Variants in CNTLN observed in about 807,000 individuals in gnomAD.
CNTLN encodes centlein, also known as centlein, centrosomal protein.
In CNTLN, 212 loss-of-function variants were observed where a neutral mutation model predicts 180.0. That is an observed-to-expected ratio of 1.18 (90% confidence interval 1.05 to 1.32). CNTLN has a LOEUF of 1.32. CNTLN is among the 40% of genes most tolerant of loss of function. The pLI is 0.00. For synonymous variants in CNTLN, 722 were observed against 563.1 expected, an observed-to-expected ratio of 1.28 and a Z score of -3.99; for missense variants, 2,095 against 1,610.9, an observed-to-expected ratio of 1.30 and a Z score of -5.14.
In CNTLN at chr9:17,257,274, A is replaced by G. The variant is rs143560508; in HGVS notation, c.850-16459A>G. On this transcript the variant is annotated intron_variant, in intron 5 of 25. Coordinates refer to ENST00000380647, the MANE Select transcript of CNTLN (RefSeq NM_017738.4). ...AGTTTACTGAGAATGATGATTTCCA[A>G]TGTCATCCATGTCCCTACAAAGGAC... 1.6e-3 allele frequency among the ~76,000 whole-genome samples: 249 copies of G among 152,082 alleles called. 1 individual carries two copies. The highest frequency in any genetic ancestry group is 5.8e-3 in the African/African-American group (239 of 41,490).
At chr9:17,452,783 A>G (rs895576156) in intron 18 of CNTLN, among the ~76,000 whole-genome samples, 1 of 152,148 alleles carries the variant, frequency 6.6e-6, no homozygotes, top group Admixed American at 6.5e-5. Context: ...GAAAAAAAGC[A>G]GTTTGTGAAT....
At chr9:17,262,113 T>G (rs1827033781) in intron 5 of CNTLN, among the ~76,000 whole-genome samples, 1 of 151,486 alleles carries the variant, frequency 6.6e-6, no homozygotes, top group Non-Finnish European at 1.5e-5. Flanking sequence ...AGAAACACTT[T>G]TACACTGATG....
intron 12 of CNTLN, among the ~76,000 whole-genome samples, chr9:17,354,705 C>G (rs1822679821): frequency 6.6e-6 from 1 of 152,102 alleles, no homozygotes; most frequent in South Asian, 2.1e-4. Flanking sequence ...TTGGCTCTAC[C>G]AATCAGCAGG....
intron 12 of CNTLN, among the ~76,000 whole-genome samples, chr9:17,343,778 T>C (rs1821666441): frequency 6.6e-6 from 1 of 152,082 alleles, no homozygotes; most frequent in Non-Finnish European, 1.5e-5. Flanking sequence ...ATTTACAGTT[T>C]TATCACCCCC....
At chr9:17,259,377 C>T (rs1193858163) in intron 5 of CNTLN, among the ~76,000 whole-genome samples, 2 of 132,592 alleles carry the variant, frequency 1.5e-5, no homozygotes, top group African/African-American at 3.0e-5. Flanking sequence ...TTCAGTTTGC[C>T]AGTATTTTAT....
At chr9:17,508,369 A>G (rs2134446945), downstream of CNTLN, among the ~76,000 whole-genome samples, 1 of 152,358 alleles carries the variant, frequency 6.6e-6, no homozygotes, top group East Asian at 1.9e-4. Flanking sequence ...TACACTGTCC[A>G]AACCAGGAAG....
At chr9:17,241,347 T>C (rs1448022223) in intron 5 of CNTLN, among the ~76,000 whole-genome samples, 1 of 152,242 alleles carries the variant, frequency 6.6e-6, no homozygotes, top group Non-Finnish European at 1.5e-5. Flanking sequence ...GGCACTTTTG[T>C]TAACAGTGAG....
At chr9:17,305,781 T>G (rs1423025489) in intron 7 of CNTLN, among the ~76,000 whole-genome samples, 1 of 152,206 alleles carries the variant, frequency 6.6e-6, no homozygotes, top group Non-Finnish European at 1.5e-5. Context: ...CTTTGCTTCC[T>G]GTACTCTAAG....
chr9:17,325,366 GCA>G (rs1820198447), intron 8 of CNTLN, among the ~76,000 whole-genome samples: 1 of 113,942 alleles, frequency 8.8e-6, no homozygotes, highest in Non-Finnish European at 1.8e-5. Context: ...AAGTGTGTGT[GCA>G]TGTGTATGTA....
Position 17,450,356 on chromosome 9 carries a change from T to A in CNTLN, c.3115-7168T>A, listed in dbSNP as rs368247765. On this transcript the variant is annotated intron_variant, in intron 18 of 25. Transcript: ENST00000380647. ...GGCAATTAGCAGTAATTAGGAAGAT[T>A]CACCTCAATAAGATGTCAACATGAG... is the stretch of plus-strand genomic sequence containing the variant. Among the ~76,000 whole-genome samples, 7 of 152,282 alleles carry A rather than the reference T, an allele frequency of 4.6e-5. No individual in the cohort carries two copies. In the South Asian group the frequency reaches 1.5e-3, roughly 32 times the overall value.
At position 17,327,214 on chromosome 9, in the gene CNTLN, T is replaced by TG. The variant is rs1171602274; in HGVS notation, c.1342-3418_1342-3417insG. ...AATGACAAAAATATAGTAGTTAACC[T>TG]TTTTTTTTTTTTTTTTTGAGATGGA... On this transcript the variant is annotated intron_variant, in intron 8 of 25. Transcript: ENST00000380647. 1.7e-3 allele frequency among the ~76,000 whole-genome samples: 38 copies of TG among 22,892 alleles called. No individual in the cohort carries two copies. The East Asian group carries it at 0.02, about 12-fold the overall frequency. 15.0% of individuals were successfully genotyped at this position (22,892 alleles called of 152,430 possible).
intron 2 of CNTLN, among the ~76,000 whole-genome samples, chr9:17,215,560 C>G (rs565116306): frequency 3.3e-5 from 5 of 152,206 alleles, no homozygotes; most frequent in Admixed American, 6.5e-5. Context: ...ACTGGGAGAA[C>G]GACTGCTCTC....
chr9:17,343,841 C>G (rs537734450), intron 12 of CNTLN, among the ~76,000 whole-genome samples: 1 of 152,104 alleles, frequency 6.6e-6, no homozygotes, highest in Non-Finnish European at 1.5e-5. Flanking sequence ...CCCCAGCCCT[C>G]CCATCCATCC....
chr9:17,296,873 T>C (rs565914284), intron 6 of CNTLN, among the ~76,000 whole-genome samples: 1 of 152,352 alleles, frequency 6.6e-6, no homozygotes, highest in Admixed American at 6.5e-5. Flanking sequence ...GGAGCGGAAC[T>C]CCTTGCTCCC....
intron 6 of CNTLN, among the ~76,000 whole-genome samples, chr9:17,294,324 TAC>T (rs891481554): frequency 4.6e-5 from 7 of 152,184 alleles, no homozygotes; most frequent in African/African-American, 1.7e-4. Flanking sequence ...TGGTCCATTT[TAC>T]AGAGAGCCGA....
intron 2 of CNTLN, among the ~76,000 whole-genome samples, chr9:17,175,115 TC>T (rs1820642764): frequency 6.6e-6 from 1 of 152,218 alleles, no homozygotes; most frequent in Admixed American, 6.5e-5. Context: ...CTTAACAAGG[TC>T]TTTTGTAGAA....
intron 8 of CNTLN, among the ~76,000 whole-genome samples, chr9:17,314,490 T>A (rs370023882): frequency 8.5e-5 from 13 of 152,208 alleles, no homozygotes; most frequent in African/African-American, 2.4e-4. Flanking sequence ...TATCTTAACC[T>A]TATTCAGATT....
intron 10 of CNTLN, among the ~76,000 whole-genome samples, chr9:17,335,670 G>T (rs1345840103): frequency 6.6e-6 from 1 of 152,096 alleles, no homozygotes; most frequent in Non-Finnish European, 1.5e-5. Context: ...AGGCACGATG[G>T]CTCAGGCCTG....
intron 13 of CNTLN, among the ~76,000 whole-genome samples, chr9:17,376,505 G>A (rs988053833): frequency 1.3e-5 from 2 of 150,352 alleles, no homozygotes; most frequent in African/African-American, 4.9e-5. Context: ...AGGCTGGAGT[G>A]CAGTGGCGCC....
Sources: allele counts gnomAD v4.1 joint callset (sites outside exome capture counted in the v4.1 genomes callset), GRCh38; gene constraint gnomAD v4.1.1; transcripts MANE v1.5; gene names NCBI Gene and HGNC (gene_info 2026-07-23, HGNC 2026-07-21).